Variants in RFC1 observed in about 807,000 individuals in gnomAD.
The protein encoded by RFC1 is replication factor C subunit 1.
A neutral mutation model predicts 137.4 loss-of-function variants in RFC1; 37 were observed. The ratio of observed to expected loss-of-function variants is 0.27; its 90% CI spans 0.21 to 0.35. RFC1 has a LOEUF of 0.35. RFC1 is among the 10% of genes least tolerant of loss of function. The probability of loss-of-function intolerance (pLI) is 1.00; values close to 1 mark genes in which losing one functional copy is unlikely to be tolerated. For missense variants in RFC1, 1,205 were observed against 1,358.5 expected, an observed-to-expected ratio of 0.89 and a Z score of 1.78; for synonymous variants, 429 against 455.7, an observed-to-expected ratio of 0.94 and a Z score of 0.75.
At chr4:39,289,728 A>G (rs1379146203) in intron 24 of RFC1, 120 bp downstream of exon 24, 4 of 706,956 alleles carry the variant, frequency 5.7e-6, no homozygotes, top group African/African-American at 3.5e-5. Context: ...CATGATGAAC[A>G]AAAAAACTTA....
intron 22 of RFC1, among the ~76,000 whole-genome samples, chr4:39,292,461 A>G (rs1055007251): frequency 6.6e-6 from 1 of 152,138 alleles, no homozygotes; most frequent in African/African-American, 2.4e-5. Flanking sequence ...GAGAACTCGA[A>G]TGTTATCATA....
rs539558158 is a variant in RFC1 at position 39,294,779 on chromosome 4, G to A, written c.2954+835C>T. 1.4e-4 allele frequency among the ~76,000 whole-genome samples: 21 copies of A among 152,312 alleles called. No individual in the cohort carries two copies. The South Asian group carries it at 3.7e-3, about 27-fold the overall frequency. ...ACACTTTGGGAGGCCAAGGCAGGCA[G>A]ATTACTTGAGGACAGGAGTTCAAGA... On this transcript the variant is annotated intron_variant, in intron 22 of 24. Coordinates refer to ENST00000349703, the MANE Select transcript of RFC1 (RefSeq NM_002913.5).
chr4:39,366,226 C>G lies in RFC1; in HGVS notation c.3+13G>C. 1 of 1,553,096 alleles carries G rather than the reference C, an allele frequency of 6.4e-7. No individual in the cohort carries two copies. Among genetic ancestry groups the G allele is most frequent in the Non-Finnish European group, 8.7e-7 (1 of 1,148,270 alleles). ...CCAGACCCCGAGCCGCACGGCCTCC[C>G]CCAGCGGCTCACCATCGCAGCCCCA... On this transcript the variant is annotated intron_variant, in intron 1 of 24. Coordinates refer to ENST00000349703, the MANE Select transcript of RFC1 (RefSeq NM_002913.5).
Position 39,312,776 on chromosome 4 carries a change from A to G in RFC1, c.1359T>C (p.Asp453=). The change falls in exon 11 of 25, where the codon GAT becomes GAC. Residue 453 remains aspartate, a synonymous_variant. Transcript: ENST00000349703. ...KKTNYLVMGR[D]SGQSKSDKAA... ...CCTTATCACTCTTGGACTGTCCACT[A>G]TCACGACCCATGACAAGATAATTTG... The G allele has an allele frequency of 6.2e-7, 1 of 1,614,156 alleles. No homozygotes were observed. Among genetic ancestry groups the G allele is most frequent in the Non-Finnish European group, 8.5e-7 (1 of 1,180,022 alleles).
chr4:39,312,244 T>G (rs918149248), intron 11 of RFC1, among the ~76,000 whole-genome samples: 136 of 152,344 alleles, frequency 8.9e-4, no homozygotes, highest in African/African-American at 3.3e-3. Context: ...TAAGGACAGA[T>G]GGAGGAACCA....
intron 12 of RFC1, 39 bp from the exon 13 acceptor site, chr4:39,309,071 G>T: frequency 6.5e-7 from 1 of 1,544,778 alleles, no homozygotes; most frequent in Non-Finnish European, 8.7e-7. Context: ...GAAACCTGAT[G>T]AAACATACAG....
At chr4:39,306,359 G>A (rs999464113) in intron 14 of RFC1, among the ~76,000 whole-genome samples, 2 of 152,154 alleles carry the variant, frequency 1.3e-5, no homozygotes, top group African/African-American at 4.8e-5. Flanking sequence ...TGCCTCGCTC[G>A]TTGGTAAGTA....
chr4:39,364,331 T>C (rs923942591), intron 1 of RFC1, among the ~76,000 whole-genome samples: 8 of 151,728 alleles, frequency 5.3e-5, no homozygotes, highest in African/African-American at 1.9e-4. Context: ...ATTTGTTGAA[T>C]CAATTTTAGT....
Position 39,351,777 on chromosome 4 carries a change from C to A in RFC1, c.4-301G>T, listed in dbSNP as rs1036394151. Among the ~76,000 whole-genome samples, 10 of 152,086 alleles carry A rather than the reference C, an allele frequency of 6.6e-5. No homozygotes were observed. The East Asian group carries it at 1.9e-3, about 29-fold the overall frequency. On this transcript the variant is annotated intron_variant, in intron 1 of 24. Transcript: ENST00000349703. The stretch of plus-strand genomic sequence containing the variant: ...AGGAGTTCGAGACCAGCCTGGCCAA[C>A]ATGGTGAAACCCCGTTTCTACTAAA...
At chr4:39,344,527 C>T (rs1186522216) in intron 3 of RFC1, among the ~76,000 whole-genome samples, 2 of 152,082 alleles carry the variant, frequency 1.3e-5, no homozygotes, top group African/African-American at 4.8e-5. Context: ...TTTGAGAGGC[C>T]GAGGAAGGCG....
intron 21 of RFC1, among the ~76,000 whole-genome samples, chr4:39,299,626 A>G (rs1391345206): frequency 4.3e-4 from 65 of 151,542 alleles, no homozygotes; most frequent in Admixed American, 8.5e-4. Context: ...AAAAAAAAAA[A>G]AAAGAAAGAA....
intron 1 of RFC1, among the ~76,000 whole-genome samples, chr4:39,365,153 G>GAA (rs745527928): frequency 0.02 from 1,620 of 79,824 alleles, 45 homozygotes; most frequent in East Asian, 0.044. Flanking sequence ...GGGTTGAAAT[G>GAA]AAAAAAAAAA....
intron 1 of RFC1, among the ~76,000 whole-genome samples, chr4:39,362,061 A>T (rs1379018408): frequency 6.6e-6 from 1 of 152,164 alleles, no homozygotes; most frequent in Middle Eastern, 3.2e-3. Flanking sequence ...CAGTTCCATT[A>T]AAAAAATCAC....
At chr4:39,355,098 TACACACAC>T (rs59438877) in intron 1 of RFC1, among the ~76,000 whole-genome samples, 2,318 of 88,970 alleles carry the variant, frequency 0.026, 58 homozygotes, top group Admixed American at 0.053. Flanking sequence ...AAAAAAAAAA[TACACACAC>T]ACACACACAC....
At chr4:39,301,715 G>A (rs1309691274) in intron 19 of RFC1, among the ~76,000 whole-genome samples, 1 of 152,222 alleles carries the variant, frequency 6.6e-6, no homozygotes, top group Non-Finnish European at 1.5e-5. Flanking sequence ...GGGGGCCACA[G>A]CAGGAGGATC....
At chr4:39,359,509 T>C (rs949847539) in intron 1 of RFC1, among the ~76,000 whole-genome samples, 28 of 152,102 alleles carry the variant, frequency 1.8e-4, no homozygotes, top group African/African-American at 6.5e-4. Context: ...AAGTGGGAGC[T>C]AAGCTATGAG....
At chr4:39,336,885 A>G (rs1251922441) in intron 4 of RFC1, among the ~76,000 whole-genome samples, 2 of 152,266 alleles carry the variant, frequency 1.3e-5, no homozygotes, top group East Asian at 3.8e-4. Flanking sequence ...ATTTTGAAAA[A>G]AACTTTATTT....
Position 39,320,372 on chromosome 4 carries a change from A to T in RFC1, c.1095+11T>A. On this transcript the variant is annotated intron_variant, in intron 9 of 24. Coordinates refer to ENST00000349703, the MANE Select transcript of RFC1 (RefSeq NM_002913.5). ...CTCAAAAAAAAAAAAAAAAAAAAAC[A>T]AAGTTCTTACCTCTTTTTTAGCTGG... 2.1e-6 allele frequency: 3 copies of T among 1,462,886 alleles called. No homozygotes were observed. Among genetic ancestry groups the T allele is most frequent in the East Asian group, 4.9e-5 (2 of 40,470 alleles). 90.6% of individuals were successfully genotyped at this position (1,462,886 alleles called of 1,614,324 possible). A position where few individuals can be genotyped will look rare whatever the true frequency, so the allele number is the denominator to read the frequency against.
intron 2 of RFC1, among the ~76,000 whole-genome samples, chr4:39,348,787 C>T (rs1741037819): frequency 6.6e-6 from 1 of 152,166 alleles, no homozygotes; most frequent in African/African-American, 2.4e-5. Context: ...GGCAGGATGG[C>T]CCAGCAGAGC....
Sources: allele counts gnomAD v4.1 joint callset (sites outside exome capture counted in the v4.1 genomes callset), GRCh38; gene constraint gnomAD v4.1.1; transcripts MANE v1.5; gene names NCBI Gene and HGNC (gene_info 2026-07-23, HGNC 2026-07-21).